The following SPDYE3 variants were observed in gnomAD, a reference collection of about 807,000 sequenced individuals.
SPDYE3 encodes the protein speedy/RINGO cell cycle regulator family member E3.
A neutral mutation model predicts 55.0 loss-of-function variants in SPDYE3; 15 were observed. That is an observed-to-expected ratio of 0.27 (90% CI 0.18 to 0.42). The LOEUF is 0.42. Ranked by LOEUF, SPDYE3 falls within the 10% of genes least tolerant of loss-of-function variation. The pLI, the probability that SPDYE3 is intolerant of heterozygous loss-of-function variation, is 1.00. For synonymous variants in SPDYE3, 89 were observed against 229.9 expected, an observed-to-expected ratio of 0.39 and a Z score of 5.55; for missense variants, 236 against 576.7, an observed-to-expected ratio of 0.41 and a Z score of 6.05.
chr7:100,311,490 CA>C (rs1308717569), intron 3 of SPDYE3, among the ~76,000 whole-genome samples: 5 of 113,494 alleles, frequency 4.4e-5, no homozygotes, highest in East Asian at 2.3e-4. Flanking sequence ...TGTCTCGAAA[CA>C]AAAAAAAAAA....
chr7:100,308,764 A>T (rs1287823621), intron 1 of SPDYE3, among the ~76,000 whole-genome samples: 22 of 148,882 alleles, frequency 1.5e-4, no homozygotes, highest in East Asian at 3.9e-4. Flanking sequence ...GAACGATATG[A>T]CGCAGTGTTC....
intron 8 of SPDYE3, among the ~76,000 whole-genome samples, chr7:100,318,263 G>C (rs944834545): frequency 5.3e-5 from 8 of 152,108 alleles, no homozygotes; most frequent in Non-Finnish European, 1.0e-4. Flanking sequence ...GGGCTTCCTA[G>C]TGCAGCCTGA....
chr7:100,320,926 G>A lies in SPDYE3; in HGVS notation c.*81G>A, dbSNP rs1789567622. ...CCAGGGGAGATGTGGATTTTCAGCA[G>A]GAACTTTATTCCAGTGCTAATGGCA... On this transcript the variant is annotated 3_prime_UTR_variant, in exon 11 of 11. Coordinates refer to ENST00000332397, the MANE Select transcript of SPDYE3 (RefSeq NM_001004351.5). The A allele has an allele frequency of 8.1e-7, 1 of 1,233,190 alleles. No homozygotes were observed. The highest frequency in any genetic ancestry group is 1.9e-5 in the Admixed American group (1 of 52,312). 76.4% of individuals were successfully genotyped at this position (1,233,190 alleles called of 1,614,324 possible). A position where few individuals can be genotyped will look rare whatever the true frequency, so the allele number is the denominator to read the frequency against.
Position 100,311,518 on chromosome 7 carries a change from C to T in SPDYE3, c.545-232C>T, listed in dbSNP as rs1056968857. On this transcript the variant is annotated intron_variant, in intron 3 of 10. Coordinates refer to ENST00000332397, the MANE Select transcript of SPDYE3 (RefSeq NM_001004351.5). ...AAAAAAAAAAGAGGGCCTCAGAGAG[C>T]CAGGGACCAGGGAAGGATATGACGC... Among the ~76,000 whole-genome samples, 10 of 137,954 alleles carry T rather than the reference C, an allele frequency of 7.2e-5. 1 individual carries two copies. Among genetic ancestry groups the T allele is most frequent in the Non-Finnish European group, 1.6e-4 (10 of 63,444 alleles). The allele number at this position is 137,954 out of a possible 152,430, so 90.5% of individuals were successfully genotyped here.
chr7:100,308,200 G>C (rs2129952980), intron 1 of SPDYE3, among the ~76,000 whole-genome samples: 1 of 151,810 alleles, frequency 6.6e-6, no homozygotes, highest in East Asian at 1.9e-4. Context: ...CGGTAGTGGT[G>C]TGTGCCTATA....
chr7:100,309,849 C>G (rs1805918773), intron 2 of SPDYE3, among the ~76,000 whole-genome samples: 2 of 148,792 alleles, frequency 1.3e-5, no homozygotes. Context: ...AATCCCAGCA[C>G]TTTGGGAAGC....
At chr7:100,315,959 T>G in intron 7 of SPDYE3, 116 bp downstream of exon 7, 1 of 1,530,966 alleles carries the variant, frequency 6.5e-7, no homozygotes, top group Non-Finnish European at 8.9e-7. Context: ...CTCCTACAGT[T>G]TTTTTTGTTT....
rs892932376 is a variant in SPDYE3, at chr7:100,307,747, G to A, written c.-139G>A. On this transcript the variant is annotated 5_prime_UTR_variant, in exon 1 of 11. Coordinates refer to ENST00000332397, the MANE Select transcript of SPDYE3 (RefSeq NM_001004351.5). Reference sequence around the variant, plus strand: ...TCAGGTGAACAACAGTAACTTCTCAGAGCTGTTCTCCACTCCTGACTTCTC... The same window carrying A: ...TCAGGTGAACAACAGTAACTTCTCAAAGCTGTTCTCCACTCCTGACTTCTC... 7.1e-7 allele frequency: 1 copy of A among 1,405,818 alleles called. No homozygotes were observed. Among genetic ancestry groups the A allele is most frequent in the East Asian group, 2.5e-5 (1 of 39,788 alleles). The allele number at this position is 1,405,818 out of a possible 1,614,324, so 87.1% of individuals were successfully genotyped here. A position where few individuals can be genotyped will look rare whatever the true frequency, so the allele number is the denominator to read the frequency against.
Position 100,309,159 on chromosome 7 carries a change from CCT to C in SPDYE3, c.293_294del (p.Pro98ArgfsTer21). 2 of 474,184 alleles carry C rather than the reference CCT, an allele frequency of 4.2e-6. No homozygotes were observed. Among genetic ancestry groups the C allele is most frequent in the South Asian group, 4.3e-5 (2 of 46,794 alleles). 29.4% of individuals were successfully genotyped at this position (474,184 alleles called of 1,614,324 possible). A position where few individuals can be genotyped will look rare whatever the true frequency, so the allele number is the denominator to read the frequency against. On this transcript the variant is annotated frameshift_variant, in exon 2 of 11. Transcript: ENST00000332397. LOFTEE classifies it high-confidence loss of function. ...AKRRRVSLVLPEYYEAFNRLL... is the reference protein window; with the variant it reads ...AKRRRVSLVLXEYYEAFNRLL... ...GCGACGGCGAGTGTCGCTCGTGCTC[CCT>C]GAGTACTACGAGGCCTTCAACAGGC...
intron 8 of SPDYE3, among the ~76,000 whole-genome samples, chr7:100,317,975 CA>C (rs1159920205): frequency 0.076 from 3,318 of 43,870 alleles, 68 homozygotes; most frequent in African/African-American, 0.22. Context: ...GACTCCGTCT[CA>C]AAAAAAAAAA....
At chr7:100,318,600 C>A (rs1168656939) in intron 8 of SPDYE3, among the ~76,000 whole-genome samples, 1 of 152,330 alleles carries the variant, frequency 6.6e-6, no homozygotes, top group African/African-American at 2.4e-5. Flanking sequence ...GCCCGTAGCT[C>A]TCCAGTTACA....
At position 100,322,024 on chromosome 7, in the gene SPDYE3, G is replaced by A. The variant is rs565441530; in HGVS notation, c.*1179G>A. On this transcript the variant is annotated 3_prime_UTR_variant, in exon 11 of 11. Coordinates refer to ENST00000332397, the MANE Select transcript of SPDYE3 (RefSeq NM_001004351.5). ...AATTTTGTTTTCCTTTTTAAGAGAG[G>A]ATTCTTTTTATCCTAAATCTTTTAC... 10 of 151,638 alleles carry A rather than the reference G, an allele frequency of 6.6e-5. No individual in the cohort carries two copies. Among genetic ancestry groups the A allele is most frequent in the Admixed American group, 6.6e-4 (10 of 15,190 alleles). 9.4% of individuals were successfully genotyped at this position (151,638 alleles called of 1,614,324 possible). A position where few individuals can be genotyped will look rare whatever the true frequency, so the allele number is the denominator to read the frequency against.
rs750413655 is a variant in SPDYE3 at position 100,319,762 on chromosome 7, G to C, written c.1544G>C (p.Cys515Ser). 4 of 1,614,008 alleles carry C rather than the reference G, an allele frequency of 2.5e-6. No homozygotes were observed. The highest frequency in any genetic ancestry group is 3.3e-5 in the Admixed American group (2 of 59,992). ...LFQKRRFQFF[C>S]SMRCRAWVSP... Reference sequence around the variant, plus strand: ...CAGAAGCGTCGGTTCCAGTTCTTCTGTTCCATGCGCTGCAGGGCTTGGGTT... The same window carrying C: ...CAGAAGCGTCGGTTCCAGTTCTTCTCTTCCATGCGCTGCAGGGCTTGGGTT... The change falls in exon 9 of 11, where the codon TGT becomes TCT. Residue 515 changes from cysteine (C) to serine (S), a missense_variant. Transcript: ENST00000332397.
intron 8 of SPDYE3, among the ~76,000 whole-genome samples, chr7:100,317,544 G>C (rs2129974099): frequency 6.6e-6 from 1 of 151,844 alleles, no homozygotes; most frequent in Middle Eastern, 3.4e-3. Flanking sequence ...GGTGGAGGTT[G>C]CAGTAAGCTA....
chr7:100,307,856 G>A lies in SPDYE3; in HGVS notation c.-30G>A, dbSNP rs560026144. 134 of 1,553,630 alleles carry A rather than the reference G, an allele frequency of 8.6e-5. 2 individuals carry two copies. In the African/African-American group the frequency reaches 1.4e-3, roughly 16 times the overall value. ...CAAGGACAGAACAGAGACTAGCTTCGGTGAGATTGGACAGATTTTGGGAAA... is the reference window on the plus strand; with the variant it reads ...CAAGGACAGAACAGAGACTAGCTTCAGTGAGATTGGACAGATTTTGGGAAA... On this transcript the variant is annotated 5_prime_UTR_variant, in exon 1 of 11. Transcript: ENST00000332397.
intron 7 of SPDYE3, among the ~76,000 whole-genome samples, chr7:100,316,452 G>A (rs3991508): frequency 1.3e-5 from 2 of 152,250 alleles, no homozygotes; most frequent in African/African-American, 2.4e-5. Context: ...CATGCTCAAC[G>A]AATTTTTGAA....
chr7:100,307,833 A>G lies in SPDYE3; in HGVS notation c.-53A>G. On this transcript the variant is annotated 5_prime_UTR_variant, in exon 1 of 11. Transcript: ENST00000332397. ...CCCAGCAGTGTCCAGAAGAAGACCAAGGACAGAACAGAGACTAGCTTCGGT... is the reference window on the plus strand; with the variant it reads ...CCCAGCAGTGTCCAGAAGAAGACCAGGGACAGAACAGAGACTAGCTTCGGT... 1 of 1,534,476 alleles carries G rather than the reference A, an allele frequency of 6.5e-7. No individual in the cohort carries two copies.
Position 100,322,000 on chromosome 7 carries a change from A to C in SPDYE3, c.*1155A>C, listed in dbSNP as rs2129985746. On this transcript the variant is annotated 3_prime_UTR_variant, in exon 11 of 11. Transcript: ENST00000332397. ...TAACTGTTATATACACATAAATATA[A>C]TTTTGTTTTCCTTTTTAAGAGAGGA... The C allele has an allele frequency of 6.6e-6, 1 of 151,662 alleles. No homozygotes were observed. Among genetic ancestry groups the C allele is most frequent in the Non-Finnish European group, 1.5e-5 (1 of 67,868 alleles). 9.4% of individuals were successfully genotyped at this position (151,662 alleles called of 1,614,324 possible).
At chr7:100,318,072 C>T (rs892481396) in intron 8 of SPDYE3, among the ~76,000 whole-genome samples, 3 of 151,994 alleles carry the variant, frequency 2.0e-5, no homozygotes, top group Admixed American at 1.3e-4. Flanking sequence ...CATGACACTT[C>T]CCCCAGCAAG....
Sources: gnomAD v4.1 joint callset for allele counts (sites outside exome capture counted in the v4.1 genomes callset) on GRCh38, gnomAD v4.1.1 for gene constraint, MANE v1.5 for transcripts, NCBI Gene and HGNC (gene_info 2026-07-23, HGNC 2026-07-21) for gene names.